The following PHLPP1 variants were observed in gnomAD, a reference collection of about 807,000 sequenced individuals.
The protein encoded by PHLPP1 is PH domain and leucine rich repeat protein phosphatase 1.
Under a neutral mutation model 117.2 loss-of-function variants are expected in PHLPP1, and 42 were observed. The ratio of observed to expected loss-of-function variants is 0.36; its 90% CI spans 0.28 to 0.46. PHLPP1 has a LOEUF of 0.46. PHLPP1 is among the 20% of genes least tolerant of loss of function. PHLPP1 has a pLI of 1.00. For missense variants in PHLPP1, 2,084 were observed against 2,241.9 expected (o/e 0.93, Z 1.42); for synonymous variants, 1,042 against 970.7 (o/e 1.07, Z -1.37).
At chr18:62,836,680 T>A (rs1334178552) in intron 2 of PHLPP1, among the ~76,000 whole-genome samples, 2 of 151,790 alleles carry the variant, frequency 1.3e-5, no homozygotes, top group Admixed American at 6.6e-5. Flanking sequence ...TTGATCTATT[T>A]TTTGAAACTT....
chr18:62,825,178 C>T (rs890679422), intron 1 of PHLPP1, among the ~76,000 whole-genome samples: 21 of 151,588 alleles, frequency 1.4e-4, no homozygotes, highest in East Asian at 5.8e-4. Flanking sequence ...AGGCTGGTCT[C>T]GAGCTCCTGA....
At chr18:62,927,719 A>C (rs1342262446) in intron 10 of PHLPP1, among the ~76,000 whole-genome samples, 1 of 152,160 alleles carries the variant, frequency 6.6e-6, no homozygotes, top group African/African-American at 2.4e-5. Context: ...AAACAGTGGA[A>C]ATGGAAGACA....
chr18:62,733,491 G>C (rs1317313452), intron 1 of PHLPP1, among the ~76,000 whole-genome samples: 3 of 152,106 alleles, frequency 2.0e-5, no homozygotes, highest in Admixed American at 2.0e-4. Flanking sequence ...CTATAACAGT[G>C]GTCTGGAACT....
Position 62,978,746 on chromosome 18 carries a change from TG to T in PHLPP1, c.4473del (p.Ser1492GlnfsTer12). The T allele has an allele frequency of 6.2e-7, 1 of 1,612,944 alleles. No homozygotes were observed. Among genetic ancestry groups the T allele is most frequent in the Non-Finnish European group, 8.5e-7 (1 of 1,179,740 alleles). ...TCCACTTCTGAGATGAGCAGCGAGG[TG>T]GGGTCAACAGCCTCCGATGAGCCCC... ...ELSTSEMSSE[V>X]GSTASDEPPP... On this transcript the variant is annotated frameshift_variant, in exon 17 of 17. Coordinates refer to ENST00000262719, the MANE Select transcript of PHLPP1 (RefSeq NM_194449.4). LOFTEE classifies it low-confidence loss of function (END_TRUNC). The surrounding 1 kb of genome is among the most constrained non-coding windows in gnomAD (Gnocchi z 7.0).
intron 1 of PHLPP1, among the ~76,000 whole-genome samples, chr18:62,827,186 CTG>C (rs1459101922): frequency 6.6e-6 from 1 of 152,152 alleles, no homozygotes; most frequent in Non-Finnish European, 1.5e-5. Context: ...AAATCACTCT[CTG>C]TTGTTATGTT....
chr18:62,889,948 AT>A (rs1916367325), intron 4 of PHLPP1, among the ~76,000 whole-genome samples: 1 of 152,100 alleles, frequency 6.6e-6, no homozygotes. Context: ...GACTAGTCCC[AT>A]TTCAGGTGCC....
rs774423724 is a variant in PHLPP1, at chr18:62,957,716, A to ATT, written c.3325-901_3325-900dup. Among the ~76,000 whole-genome samples, 263 of 136,866 alleles carry ATT rather than the reference A, an allele frequency of 1.9e-3. 1 individual carries two copies. The highest frequency in any genetic ancestry group is 3.0e-3 in the Admixed American group (41 of 13,734). 89.8% of individuals were successfully genotyped at this position (136,866 alleles called of 152,430 possible). Reference sequence around the variant, plus strand: ...TGCAACCTGCACCTCCCGGATTCTTATTTTTTTTTTTTTGGTGAGATGGAG... The same window carrying ATT: ...TGCAACCTGCACCTCCCGGATTCTTATTTTTTTTTTTTTTTGGTGAGATGGAG... On this transcript the variant is annotated intron_variant, in intron 12 of 16. Transcript: ENST00000262719.
At chr18:62,776,824 G>T (rs1912973248) in intron 1 of PHLPP1, among the ~76,000 whole-genome samples, 1 of 152,096 alleles carries the variant, frequency 6.6e-6, no homozygotes, top group African/African-American at 2.4e-5. Context: ...TGGCCGGGAT[G>T]GTCTCAATAT....
chr18:62,923,660 A>G (rs1909541190), intron 10 of PHLPP1, among the ~76,000 whole-genome samples: 1 of 152,138 alleles, frequency 6.6e-6, no homozygotes, highest in Non-Finnish European at 1.5e-5. Context: ...AACCTCAATA[A>G]TGGAAATTTT....
chr18:62,841,733 T>G (rs1452004356), intron 3 of PHLPP1, among the ~76,000 whole-genome samples: 1 of 152,182 alleles, frequency 6.6e-6, no homozygotes, highest in East Asian at 1.9e-4. Flanking sequence ...AGACAGTAAT[T>G]CACACACATT....
chr18:62,913,682 A>C (rs1284863534), intron 8 of PHLPP1, among the ~76,000 whole-genome samples: 1 of 151,768 alleles, frequency 6.6e-6, no homozygotes, highest in Non-Finnish European at 1.5e-5. Context: ...AGTTTATCTA[A>C]GTAATGATCA....
At chr18:62,930,163 A>G (rs1244475105) in intron 10 of PHLPP1, among the ~76,000 whole-genome samples, 4 of 152,170 alleles carry the variant, frequency 2.6e-5, no homozygotes, top group Non-Finnish European at 4.4e-5. Flanking sequence ...CATAGAACAA[A>G]AACACGAACT....
chr18:62,861,250 C>T (rs1482310541), intron 4 of PHLPP1, among the ~76,000 whole-genome samples: 1 of 152,134 alleles, frequency 6.6e-6, no homozygotes, highest in Non-Finnish European at 1.5e-5. Flanking sequence ...GCTGGGATTA[C>T]AGGCGCCCAC....
intron 10 of PHLPP1, among the ~76,000 whole-genome samples, chr18:62,934,123 T>A (rs2144443499): frequency 6.6e-6 from 1 of 152,292 alleles, no homozygotes; most frequent in South Asian, 2.1e-4. Context: ...TTGGTAGGAA[T>A]GTGAATTAGT....
intron 1 of PHLPP1, among the ~76,000 whole-genome samples, chr18:62,754,024 G>C (rs1449595011): frequency 7.2e-5 from 11 of 152,158 alleles, no homozygotes; most frequent in Non-Finnish European, 1.2e-4. Flanking sequence ...TTACACCCAT[G>C]TAACTAGCCC....
At position 62,817,686 on chromosome 18, in the gene PHLPP1, C is replaced by G. The variant is rs1046286200; in HGVS notation, c.1577-12349C>G. On this transcript the variant is annotated intron_variant, in intron 1 of 16. Coordinates refer to ENST00000262719, the MANE Select transcript of PHLPP1 (RefSeq NM_194449.4). ...TTTAAAATAATGGCTGAAAAAATAT[C>G]AAATTTGACCATAAATCTAAGTTCC... is the stretch of plus-strand genomic sequence containing the variant. Among the ~76,000 whole-genome samples the G allele has an allele frequency of 2.1e-4, 32 of 151,802 alleles. 1 individual carries two copies. The highest frequency in any genetic ancestry group is 2.1e-4 in the South Asian group (1 of 4,814).
intron 14 of PHLPP1, among the ~76,000 whole-genome samples, chr18:62,966,369 G>A (rs1910904370): frequency 6.6e-6 from 1 of 151,560 alleles, no homozygotes; most frequent in Non-Finnish European, 1.5e-5. Flanking sequence ...ATACATAGCA[G>A]GTGCTTAATA....
intron 1 of PHLPP1, among the ~76,000 whole-genome samples, chr18:62,773,204 C>A (rs1384604758): frequency 6.6e-6 from 1 of 152,164 alleles, no homozygotes; most frequent in Admixed American, 6.5e-5. Context: ...ACTCTAAGAT[C>A]CCCACCCCAC....
intron 4 of PHLPP1, among the ~76,000 whole-genome samples, chr18:62,877,658 A>C (rs1225102080): frequency 6.6e-6 from 1 of 152,188 alleles, no homozygotes; most frequent in African/African-American, 2.4e-5. Context: ...TTCCTTTCTT[A>C]TACAGCTTTG....
Sources: gnomAD v4.1 joint callset for allele counts (sites outside exome capture counted in the v4.1 genomes callset) on GRCh38, gnomAD v4.1.1 for gene constraint, Gnocchi (gnomAD v3.1) non-coding constraint, MANE v1.5 for transcripts, NCBI Gene and HGNC (gene_info 2026-07-23, HGNC 2026-07-21) for gene names.